The following PLA2G5 variants were observed in gnomAD, a reference collection of about 807,000 sequenced individuals.
PLA2G5 encodes the protein phospholipase A2 group V, also known as Ca2+-dependent phospholipase A2.
A neutral mutation model predicts 15.9 loss-of-function variants in PLA2G5; 12 were observed. The ratio of observed to expected loss-of-function variants is 0.76; its 90% CI spans 0.48 to 1.23. PLA2G5 has a LOEUF of 1.23. Among genes scored for constraint, PLA2G5 ranks in the 50% most tolerant of loss-of-function variants. The probability of loss-of-function intolerance (pLI) is 0.00; values close to 1 mark genes in which losing one functional copy is unlikely to be tolerated. For missense variants in PLA2G5, 169 were observed against 177.1 expected, an observed-to-expected ratio of 0.95 and a Z score of 0.26; for synonymous variants, 71 against 71.4, an observed-to-expected ratio of 0.99 and a Z score of 0.03.
chr1:20,089,513 C>G (rs2016458216), intron 3 of PLA2G5, among the ~76,000 whole-genome samples: 2 of 152,160 alleles, frequency 1.3e-5, no homozygotes, highest in Admixed American at 1.3e-4. Flanking sequence ...CCTACCTCCC[C>G]TGGCCAGGAC....
chr1:20,045,883 C>T (rs577570729), intron 1 of PLA2G5, among the ~76,000 whole-genome samples: 1 of 152,326 alleles, frequency 6.6e-6, no homozygotes, highest in East Asian at 1.9e-4. Flanking sequence ...ATGCGTGTGA[C>T]ACAGAGAATC....
chr1:20,089,140 T>A (rs2016439393), intron 3 of PLA2G5, among the ~76,000 whole-genome samples: 1 of 152,202 alleles, frequency 6.6e-6, no homozygotes, highest in African/African-American at 2.4e-5. Context: ...TTATTTATCG[T>A]AGCTGATGCA....
chr1:20,053,541 C>G (rs1032341525), intron 1 of PLA2G5, among the ~76,000 whole-genome samples: 1 of 131,524 alleles, frequency 7.6e-6, no homozygotes, highest in African/African-American at 3.1e-5. Flanking sequence ...TATTCACATC[C>G]TAGTTGATTT....
intron 1 of PLA2G5, among the ~76,000 whole-genome samples, chr1:20,051,315 G>C (rs955768434): frequency 6.6e-6 from 1 of 152,164 alleles, no homozygotes; most frequent in African/African-American, 2.4e-5. Context: ...CATCAGAATA[G>C]AAGAAAAACT....
At chr1:20,082,807 C>G (rs1001395459) in intron 1 of PLA2G5, among the ~76,000 whole-genome samples, 9 of 151,884 alleles carry the variant, frequency 5.9e-5, no homozygotes, top group African/African-American at 1.7e-4. Flanking sequence ...TATAGAAAAT[C>G]AAAAGCATGT....
chr1:20,056,793 T>C (rs2014453561), intron 1 of PLA2G5, among the ~76,000 whole-genome samples: 1 of 152,218 alleles, frequency 6.6e-6, no homozygotes, highest in South Asian at 2.1e-4. Flanking sequence ...AGAATTAATA[T>C]GATTTTTTCC....
chr1:20,039,823 C>T (rs979725692), intron 1 of PLA2G5, among the ~76,000 whole-genome samples: 7 of 152,250 alleles, frequency 4.6e-5, no homozygotes, highest in Non-Finnish European at 1.0e-4. Context: ...AAGAATAGAC[C>T]TTCAGCATTA....
In PLA2G5 at chr1:20,051,659, A is replaced by G. The variant is rs114294205; in HGVS notation, n.277-7973A>G. On this transcript the variant is annotated intron_variant and non_coding_transcript_variant, in intron 1 of 6. Coordinates refer to the PLA2G5 transcript ENST00000460175. ...GTAAGAATCTGTTTTCATTTATAAT[A>G]GGACACAATTGGAGAAACTGGTTAT... 8.6e-3 allele frequency among the ~76,000 whole-genome samples: 1,308 copies of G among 152,356 alleles called. 10 individuals carry two copies. Among genetic ancestry groups the G allele is most frequent in the South Asian group, 0.017 (80 of 4,832 alleles).
At chr1:20,047,630 G>A (rs1469436897) in intron 1 of PLA2G5, among the ~76,000 whole-genome samples, 1 of 151,906 alleles carries the variant, frequency 6.6e-6, no homozygotes, top group Admixed American at 6.6e-5. Context: ...AAAAACCACT[G>A]TTTGGATCCA....
chr1:20,067,601 T>C (rs1248553614), upstream of PLA2G5, among the ~76,000 whole-genome samples: 1 of 152,026 alleles, frequency 6.6e-6, no homozygotes, highest in East Asian at 1.9e-4. Context: ...GGCAGGAGAA[T>C]TCCTTGAACC....
At chr1:20,032,821 A>T (rs2013035819) in intron 1 of PLA2G5, among the ~76,000 whole-genome samples, 1 of 152,088 alleles carries the variant, frequency 6.6e-6, no homozygotes, top group Non-Finnish European at 1.5e-5. Context: ...GGCAGTAATG[A>T]TGGGGTTTTA....
intron 2 of PLA2G5, 28 bp from the exon 3 acceptor site, chr1:20,086,055 T>C: frequency 6.2e-7 from 1 of 1,612,968 alleles, no homozygotes; most frequent in Non-Finnish European, 8.5e-7. Flanking sequence ...TGCCTGGGTG[T>C]CACCTGGGGA....
intron 2 of PLA2G5, among the ~76,000 whole-genome samples, chr1:20,085,334 G>A (rs897455934): frequency 2.7e-4 from 41 of 151,780 alleles, no homozygotes; most frequent in Admixed American, 2.0e-3. Context: ...CCCATCCTGC[G>A]GCCCCGTGAC....
chr1:20,070,324 TC>T lies in PLA2G5; in HGVS notation c.-146del. ...AGATTCTGGAGGCCAAGAATTTGAC[TC>T]CCCCCGGATCCATGGTCTGTGGATA... On this transcript the variant is annotated 5_prime_UTR_variant, in exon 1 of 5. Transcript: ENST00000375108. 1 of 985,232 alleles carries T rather than the reference TC, an allele frequency of 1.0e-6. No homozygotes were observed. Among genetic ancestry groups the T allele is most frequent in the Non-Finnish European group, 1.2e-6 (1 of 829,928 alleles). 61.0% of individuals were successfully genotyped at this position (985,232 alleles called of 1,614,324 possible). A position where few individuals can be genotyped will look rare whatever the true frequency, so the allele number is the denominator to read the frequency against.
At chr1:20,085,502 A>G (rs776543960) in intron 2 of PLA2G5, among the ~76,000 whole-genome samples, 3 of 152,128 alleles carry the variant, frequency 2.0e-5, no homozygotes, top group Non-Finnish European at 2.9e-5. Flanking sequence ...TCAGTTTCCC[A>G]TTAGTAAGAT....
chr1:20,081,501 G>A (rs574453521), intron 1 of PLA2G5, among the ~76,000 whole-genome samples: 2 of 152,050 alleles, frequency 1.3e-5, no homozygotes, highest in African/African-American at 2.4e-5. Context: ...GAGGAGCCAC[G>A]GGAAGCATCG....
intron 1 of PLA2G5, among the ~76,000 whole-genome samples, chr1:20,052,196 T>A (rs796157788): frequency 0.012 from 1,555 of 128,454 alleles, 29 homozygotes; most frequent in African/African-American, 0.041. Flanking sequence ...AAAAAAAAAA[T>A]GGGAAACTGG....
chr1:20,028,472 C>T (rs1448558412), exon 1 of PLA2G5: 1 of 152,142 alleles, frequency 6.6e-6, no homozygotes, highest in Non-Finnish European at 1.5e-5. Context: ...ACTTTCTTGC[C>T]TTCTACTTTA....
intron 1 of PLA2G5, among the ~76,000 whole-genome samples, chr1:20,045,250 C>T (rs968349238): frequency 2.0e-5 from 3 of 151,988 alleles, no homozygotes; most frequent in Admixed American, 1.3e-4. Flanking sequence ...GTGAAGGAGG[C>T]AAGCCAGAGA....
Sources: allele counts gnomAD v4.1 joint callset (sites outside exome capture counted in the v4.1 genomes callset), GRCh38; gene constraint gnomAD v4.1.1; transcripts MANE v1.5; gene names NCBI Gene and HGNC (gene_info 2026-07-23, HGNC 2026-07-21).